CLIP2: variants seen among roughly 807,000 people sequenced by gnomAD.
CLIP2 encodes the protein CAP-Gly domain containing linker protein 2.
CLIP2 carries 41 observed loss-of-function variants against 111.7 expected under a neutral mutation model. That is an observed-to-expected ratio of 0.37 (90% CI 0.29 to 0.48). CLIP2 has a LOEUF of 0.48. CLIP2 is among the 20% of genes least tolerant of loss of function. The probability of loss-of-function intolerance (pLI) is 0.99; values close to 1 mark genes in which losing one functional copy is unlikely to be tolerated. For missense variants in CLIP2, 1,160 were observed against 1,422.1 expected, an observed-to-expected ratio of 0.82 and a Z score of 2.96; for synonymous variants, 660 against 644.2, an observed-to-expected ratio of 1.02 and a Z score of -0.37.
intron 3 of CLIP2, among the ~76,000 whole-genome samples, chr7:74,346,118 A>G (rs1008487798): frequency 2.0e-5 from 3 of 151,966 alleles, no homozygotes; most frequent in Admixed American, 1.3e-4. Flanking sequence ...AGTTGGGACT[A>G]CAGGTGTGTG....
chr7:74,391,437 A>G (rs782606420), intron 13 of CLIP2, among the ~76,000 whole-genome samples: 6 of 152,204 alleles, frequency 3.9e-5, no homozygotes, highest in Non-Finnish European at 5.9e-5. Flanking sequence ...CTCAGAACAC[A>G]CTTTAGCATC....
At chr7:74,360,100 T>G in intron 6 of CLIP2, 75 bp from the exon 7 acceptor site, 1 of 1,266,052 alleles carries the variant, frequency 7.9e-7, no homozygotes. Context: ...CTTGCCTGTC[T>G]CCCACCACAC....
At chr7:74,401,593 G>A in intron 16 of CLIP2, 26 bp downstream of exon 16, 2 of 1,609,140 alleles carry the variant, frequency 1.2e-6, no homozygotes, top group Admixed American at 3.3e-5. Context: ...GGCCTCCCAG[G>A]TCCCTCCCGT....
intron 8 of CLIP2, among the ~76,000 whole-genome samples, chr7:74,366,603 C>T (rs1790474573): frequency 2.0e-5 from 3 of 152,202 alleles, no homozygotes; most frequent in Non-Finnish European, 4.4e-5. Flanking sequence ...AAAGGCTGGG[C>T]GTGGTGGCTC....
chr7:74,372,288 G>A (rs1054796352), intron 8 of CLIP2, among the ~76,000 whole-genome samples: 1 of 151,940 alleles, frequency 6.6e-6, no homozygotes, highest in Non-Finnish European at 1.5e-5. Flanking sequence ...CCGGGAGTGG[G>A]AGGCACAGCC....
At chr7:74,369,975 T>C (rs1554311562) in intron 8 of CLIP2, among the ~76,000 whole-genome samples, 1 of 79,690 alleles carries the variant, frequency 1.3e-5, no homozygotes, top group Admixed American at 1.5e-4. Flanking sequence ...CTGGCTAACA[T>C]GGCGAAACCC....
intron 3 of CLIP2, among the ~76,000 whole-genome samples, chr7:74,352,643 C>T (rs186394050): frequency 1.3e-5 from 2 of 150,382 alleles, no homozygotes; most frequent in African/African-American, 2.4e-5. Context: ...CGTGGTGGCG[C>T]GCACCTGTAG....
intron 2 of CLIP2, among the ~76,000 whole-genome samples, chr7:74,325,023 G>T (rs968921630): frequency 6.6e-6 from 1 of 152,174 alleles, no homozygotes; most frequent in Non-Finnish European, 1.5e-5. Flanking sequence ...TGTGGCAGAG[G>T]CCGGGGCCTG....
At chr7:74,380,556 G>A (rs1416487019) in intron 10 of CLIP2, 1 of 361,238 alleles carries the variant, frequency 2.8e-6, no homozygotes, top group Non-Finnish European at 5.0e-6. Flanking sequence ...AAGGGTAGGA[G>A]GTATTCATGT....
At chr7:74,306,849 CTG>C (rs1378137181) in intron 1 of CLIP2, among the ~76,000 whole-genome samples, 1 of 152,224 alleles carries the variant, frequency 6.6e-6, no homozygotes, top group African/African-American at 2.4e-5. Context: ...GGTAATGAAA[CTG>C]AGGCTCTCTC....
Position 74,352,349 on chromosome 7 carries a change from A to G in CLIP2, c.679-1531A>G, listed in dbSNP as rs1790027803. Among the ~76,000 whole-genome samples, 2 of 152,018 alleles carry G rather than the reference A, an allele frequency of 1.3e-5. 1 individual carries two copies. The highest frequency in any genetic ancestry group is 4.2e-4 in the South Asian group (2 of 4,816). Reference sequence around the variant, plus strand: ...CTAATCAGGAGGCTGAGGCAGGAGAATCACTTGAACTCGGGAGGTGGAGGT... The same window carrying G: ...CTAATCAGGAGGCTGAGGCAGGAGAGTCACTTGAACTCGGGAGGTGGAGGT... On this transcript the variant is annotated intron_variant, in intron 3 of 16. Transcript: ENST00000223398.
At chr7:74,305,609 T>G (rs1256976072) in intron 1 of CLIP2, among the ~76,000 whole-genome samples, 13 of 152,226 alleles carry the variant, frequency 8.5e-5, no homozygotes, top group Admixed American at 8.5e-4. Flanking sequence ...TTCTCCTGCC[T>G]CAGTCTCCCA....
intron 13 of CLIP2, among the ~76,000 whole-genome samples, chr7:74,390,216 A>AGAAAGAAAGAAT (rs1791258414): frequency 1.2e-5 from 1 of 82,456 alleles, no homozygotes; most frequent in African/African-American, 4.2e-5. Context: ...AAAGAAAGAA[A>AGAAAGAAAGAAT]GAAAGAAAGG....
At chr7:74,361,176 TTTCCTTCCTTCC>T (rs61684239) in intron 7 of CLIP2, among the ~76,000 whole-genome samples, 5 of 62,120 alleles carry the variant, frequency 8.0e-5, no homozygotes, top group Non-Finnish European at 1.7e-4. Flanking sequence ...CCCTCCCTTC[TTTCCTTCCTTCC>T]TTCCTTCCTT....
At chr7:74,317,701 A>C (rs1788825905) in intron 2 of CLIP2, 34 bp downstream of exon 2, 2 of 1,405,494 alleles carry the variant, frequency 1.4e-6, no homozygotes, top group Non-Finnish European at 1.9e-6. Context: ...GGGTGAGGGG[A>C]CTGGCTACAT....
chr7:74,301,562 T>TTC (rs386410473), intron 1 of CLIP2, among the ~76,000 whole-genome samples: 1 of 150,498 alleles, frequency 6.6e-6, no homozygotes, highest in Non-Finnish European at 1.5e-5. Context: ...TTTTTTTTTT[T>TTC]TGTATTTTTG....
At chr7:74,318,379 G>A (rs1554729499) in intron 2 of CLIP2, among the ~76,000 whole-genome samples, 1 of 151,960 alleles carries the variant, frequency 6.6e-6, no homozygotes, top group Non-Finnish European at 1.5e-5. Context: ...ATGATGGAAG[G>A]AACTAGCAGC....
At chr7:74,350,884 GAGAA>G (rs1458012757) in intron 3 of CLIP2, among the ~76,000 whole-genome samples, 1 of 144,950 alleles carries the variant, frequency 6.9e-6, no homozygotes, top group East Asian at 2.4e-4. Context: ...AAGAGAGAGA[GAGAA>G]AGAAGGAAGG....
At chr7:74,293,692 G>A (rs891133175) in intron 1 of CLIP2, among the ~76,000 whole-genome samples, 5 of 152,318 alleles carry the variant, frequency 3.3e-5, no homozygotes, top group African/African-American at 9.6e-5. Context: ...AGGCAGACCC[G>A]TGGTCAATTA....
Sources: gnomAD v4.1 joint callset for allele counts (sites outside exome capture counted in the v4.1 genomes callset) on GRCh38, gnomAD v4.1.1 for gene constraint, MANE v1.5 for transcripts, NCBI Gene and HGNC (gene_info 2026-07-23, HGNC 2026-07-21) for gene names.